The following TLN2 variants were observed in gnomAD, a reference collection of about 807,000 sequenced individuals.
TLN2 encodes the protein talin 2, also known as talin-2.
A neutral mutation model predicts 294.7 loss-of-function variants in TLN2; 118 were observed. The ratio of observed to expected loss-of-function variants is 0.40; its 90% confidence interval spans 0.34 to 0.47. TLN2 has a LOEUF of 0.47. Ranked by LOEUF, TLN2 falls within the 20% of genes least tolerant of loss-of-function variation. The pLI is 0.84. For synonymous variants in TLN2, 1,431 were observed against 1,304.5 expected (o/e 1.10, Z -2.09); for missense variants, 3,083 against 3,282.2 (o/e 0.94, Z 1.48).
At chr15:62,485,414 G>GC (rs2038336211) in intron 1 of TLN2, among the ~76,000 whole-genome samples, 2 of 152,198 alleles carry the variant, frequency 1.3e-5, no homozygotes, top group Non-Finnish European at 2.9e-5. Context: ...GCTGTTCGAT[G>GC]CCTGGCGGTG....
intron 2 of TLN2, among the ~76,000 whole-genome samples, chr15:62,598,728 A>AG (rs770480001): frequency 2.6e-5 from 4 of 151,536 alleles, no homozygotes; most frequent in African/African-American, 4.8e-5. Context: ...CATTCCTGAG[A>AG]GAAATGGAAT....
chr15:62,792,583 G>A lies in TLN2; in HGVS notation c.5737-58G>A, dbSNP rs1209789019. 7 of 1,583,712 alleles carry A rather than the reference G, an allele frequency of 4.4e-6. No individual in the cohort carries two copies. In the African/African-American group the frequency reaches 9.5e-5, roughly 21 times the overall value. On this transcript the variant is annotated intron_variant, in intron 45 of 58. Coordinates refer to ENST00000636159, the MANE Select transcript of TLN2 (RefSeq NM_015059.3). ...AGGAGAAATTTTCCACGTAGGGAAG[G>A]CCTCGATGGCAGAGTCCATCACGCT...
Position 62,425,497 on chromosome 15 carries a change from C to T in TLN2, c.-238+34812C>T, listed in dbSNP as rs573575315. Among the ~76,000 whole-genome samples, 6 of 152,310 alleles carry T rather than the reference C, an allele frequency of 3.9e-5. No individual in the cohort carries two copies. The East Asian group carries it at 1.2e-3, about 29-fold the overall frequency. On this transcript the variant is annotated intron_variant, in intron 1 of 58. Transcript: ENST00000636159. ...GGATCCTGTCATAAGACAAAGGCTT[C>T]TTAGCATCACGGAGCTGCGTGGATT... is the stretch of plus-strand genomic sequence containing the variant.
In TLN2 at chr15:62,577,919, C is replaced by A. The variant is rs192530633; in HGVS notation, c.-237-11768C>A. On this transcript the variant is annotated intron_variant, in intron 1 of 58. Coordinates refer to ENST00000636159, the MANE Select transcript of TLN2 (RefSeq NM_015059.3). ...CCATGTGTTCTCATTGTTCAACTCC[C>A]ACCTATGAGTGAGAACATGCAGTGT... 7.4e-4 allele frequency among the ~76,000 whole-genome samples: 112 copies of A among 152,254 alleles called. 3 individuals are homozygous for A. The East Asian group carries it at 0.018, about 25-fold the overall frequency.
In TLN2 at chr15:62,737,035, G is replaced by A; in HGVS notation, c.3516G>A (p.Lys1172=). The stretch of plus-strand genomic sequence containing the variant: ...CCGCCATGCTCATTCAAGAGGCCAA[G>A]CAGGCCCTGATTGCACCTGGAGATG... The part of the protein sequence containing the change: ...EGSAMLIQEA[K]QALIAPGDAE... Residue 1172 remains lysine (K), a synonymous_variant, in exon 29 of 59, where the codon AAG becomes AAA. Coordinates refer to ENST00000636159, the MANE Select transcript of TLN2 (RefSeq NM_015059.3). 6.2e-7 allele frequency: 1 copy of A among 1,614,242 alleles called. No homozygotes were observed. The highest frequency in any genetic ancestry group is 8.5e-7 in the Non-Finnish European group (1 of 1,180,048).
chr15:62,607,041 G>C (rs1447907929), intron 2 of TLN2, among the ~76,000 whole-genome samples: 1 of 152,060 alleles, frequency 6.6e-6, no homozygotes, highest in African/African-American at 2.4e-5. Context: ...CTCATCTCCG[G>C]ATGAGTTTTC....
intron 45 of TLN2, among the ~76,000 whole-genome samples, chr15:62,789,790 C>T (rs2064948784): frequency 6.6e-6 from 1 of 152,338 alleles, no homozygotes; most frequent in South Asian, 2.1e-4. Context: ...GGTTTCATGC[C>T]ATGTTCTTCA....
intron 1 of TLN2, among the ~76,000 whole-genome samples, chr15:62,396,783 C>A (rs2032584845): frequency 6.6e-6 from 1 of 152,170 alleles, no homozygotes; most frequent in East Asian, 1.9e-4. Flanking sequence ...TGGCTCACTG[C>A]AACCTCCACC....
intron 1 of TLN2, among the ~76,000 whole-genome samples, chr15:62,544,935 C>A (rs2041906636): frequency 6.9e-6 from 1 of 145,934 alleles, no homozygotes. Flanking sequence ...GATGACCTCA[C>A]TTTTTTTTTT....
At chr15:62,667,247 T>C (rs2140988046) in intron 9 of TLN2, among the ~76,000 whole-genome samples, 1 of 152,308 alleles carries the variant, frequency 6.6e-6, no homozygotes, top group East Asian at 1.9e-4. Context: ...ATTACAGGCG[T>C]GAGCCACCGT....
At chr15:62,673,545 A>G (rs1335851759) in intron 9 of TLN2, among the ~76,000 whole-genome samples, 1 of 111,464 alleles carries the variant, frequency 9.0e-6, no homozygotes, top group East Asian at 2.7e-4. Context: ...AAAAGATAGC[A>G]TACTATATAC....
At chr15:62,631,518 C>CCT (rs1555451272) in intron 3 of TLN2, among the ~76,000 whole-genome samples, 31 of 89,676 alleles carry the variant, frequency 3.5e-4, no homozygotes, top group East Asian at 3.1e-3. Flanking sequence ...TTCTTTCTTT[C>CCT]TTCCTTTCCT....
chr15:62,610,039 T>C (rs2047789877), intron 2 of TLN2, among the ~76,000 whole-genome samples: 2 of 152,214 alleles, frequency 1.3e-5, no homozygotes, highest in South Asian at 4.1e-4. Context: ...ACCAGACTCA[T>C]CTTGTACTTA....
chr15:62,480,293 G>A (rs1453031138), intron 1 of TLN2, among the ~76,000 whole-genome samples: 4 of 152,032 alleles, frequency 2.6e-5, no homozygotes, highest in African/African-American at 4.8e-5. Context: ...AGCTCACTGC[G>A]ACCTCTGCCT....
chr15:62,531,846 A>G (rs965407333), intron 1 of TLN2, among the ~76,000 whole-genome samples: 3 of 151,924 alleles, frequency 2.0e-5, no homozygotes, highest in African/African-American at 7.3e-5. Flanking sequence ...TCCCCAAATC[A>G]TTATCTCTGA....
At chr15:62,460,561 C>G (rs1391768027) in intron 1 of TLN2, among the ~76,000 whole-genome samples, 1 of 152,220 alleles carries the variant, frequency 6.6e-6, no homozygotes, top group Non-Finnish European at 1.5e-5. Context: ...CCGTGCCCGG[C>G]ACTAGCCACG....
At chr15:62,714,527 T>C (rs977735140) in intron 22 of TLN2, among the ~76,000 whole-genome samples, 1 of 152,104 alleles carries the variant, frequency 6.6e-6, no homozygotes. Context: ...ATGTGACTGT[T>C]TATCAGGCCA....
chr15:62,601,473 G>A lies in TLN2; in HGVS notation c.-162+11711G>A, dbSNP rs540687579. Among the ~76,000 whole-genome samples the A allele has an allele frequency of 2.6e-5, 4 of 152,256 alleles. No individual in the cohort carries two copies. The East Asian group carries it at 5.8e-4, about 22-fold the overall frequency. On this transcript the variant is annotated intron_variant, in intron 2 of 58. Transcript: ENST00000636159. ...AGGTTTGGTCAGACTCAGATCTCTT[G>A]GGGTATGTTTTTTATTTTGTTAGTT...
chr15:62,434,087 C>T (rs1021847566), intron 1 of TLN2, among the ~76,000 whole-genome samples: 1 of 149,864 alleles, frequency 6.7e-6, no homozygotes, highest in Non-Finnish European at 1.5e-5. Context: ...TTAAATTTCA[C>T]ATGTAAAAAT....
Sources: gnomAD v4.1 joint callset for allele counts (sites outside exome capture counted in the v4.1 genomes callset) on GRCh38, gnomAD v4.1.1 for gene constraint, MANE v1.5 for transcripts, NCBI Gene and HGNC (gene_info 2026-07-23, HGNC 2026-07-21) for gene names.